Variants in AIFM1 observed in about 807,000 individuals in gnomAD.
AIFM1 encodes the protein apoptosis-inducing factor 1, mitochondrial.
A neutral mutation model predicts 51.7 loss-of-function variants in AIFM1; 3 were observed. That is an observed-to-expected ratio of 0.06 (90% CI 0.03 to 0.15). The LOEUF is 0.15. AIFM1 is among the 10% of genes least tolerant of loss of function. AIFM1 has a pLI of 1.00. For missense variants in AIFM1, 330 were observed against 476.8 expected (o/e 0.69, Z 2.87); for synonymous variants, 178 against 179.4 (o/e 0.99, Z 0.06).
chrX:130,137,242 C>A, intron 9 of AIFM1, 57 bp from the exon 10 acceptor site: 2 of 1,208,218 alleles, frequency 1.7e-6, no homozygotes, highest in Non-Finnish European at 2.2e-6. Flanking sequence ...CCTAGGAATA[C>A]AGGAAGAGAA....
At chrX:130,165,401 A>G in intron 1 of AIFM1, 150 bp downstream of exon 1, 1 of 530,470 alleles carries the variant, frequency 1.9e-6, no homozygotes, top group East Asian at 3.6e-5. Context: ...TCCGCTTGCA[A>G]GACTCAGGGT....
chrX:130,138,668 G>A lies in AIFM1; in HGVS notation c.892C>T (p.Arg298Trp), dbSNP rs2030465712. The A allele has an allele frequency of 1.7e-6, 2 of 1,206,968 alleles. No homozygotes were observed. The highest frequency in any genetic ancestry group is 1.8e-5 in the African/African-American group (1 of 56,860). Reference protein sequence around the residue: ...GDFRSLEKISREVKSITIIGG... With the variant: ...GDFRSLEKISWEVKSITIIGG... ...ATAATCGTAATTGATTTGACTTCCC[G>A]TGAAATCTTCTCCAAGCTTCTAAAG... The change falls in exon 9 of 16, where the codon CGG becomes TGG. Residue 298 changes from arginine to tryptophan, a missense_variant. Arg to Trp is a moderately radical substitution (Grantham distance 101). Coordinates refer to ENST00000287295, the MANE Select transcript of AIFM1 (RefSeq NM_004208.4).
At chrX:130,153,352 CAAAAAAAA>C (rs35771131) in intron 2 of AIFM1, among the ~76,000 whole-genome samples, 2 of 42,860 alleles carry the variant, frequency 4.7e-5, no homozygotes, top group Non-Finnish European at 8.0e-5. Context: ...GACTCCGTTT[CAAAAAAAA>C]AAAAAAAAAA....
At chrX:130,143,326 T>A (rs2030642594) in intron 6 of AIFM1, among the ~76,000 whole-genome samples, 1 of 112,154 alleles carries the variant, frequency 8.9e-6, no homozygotes, top group South Asian at 3.7e-4. Flanking sequence ...TACTTAATGG[T>A]CCAAAACTGA....
intron 11 of AIFM1, among the ~76,000 whole-genome samples, chrX:130,136,415 A>C (rs2030342427): frequency 8.9e-6 from 1 of 112,001 alleles, no homozygotes; most frequent in Non-Finnish European, 1.9e-5. Context: ...AGGACTCAAA[A>C]CTCTGTGAGA....
At chrX:130,151,788 T>A (rs994205824) in intron 2 of AIFM1, among the ~76,000 whole-genome samples, 2 of 112,027 alleles carry the variant, frequency 1.8e-5, no homozygotes, top group Admixed American at 1.9e-4. Flanking sequence ...TGCCTATAAT[T>A]CCAGCACTTT....
At chrX:130,155,014 T>G in intron 2 of AIFM1, 1 of 771,825 alleles carries the variant, frequency 1.3e-6, no homozygotes, top group South Asian at 2.3e-5. Flanking sequence ...GACTCTCTAG[T>G]GACTGACAAT....
At chrX:130,143,298 C>T (rs775901856) in intron 6 of AIFM1, among the ~76,000 whole-genome samples, 7 of 112,179 alleles carry the variant, frequency 6.2e-5, no homozygotes, top group South Asian at 3.7e-4. Flanking sequence ...GACACCTTCA[C>T]GCAGATATTC....
intron 9 of AIFM1, chrX:130,137,601 C>T: frequency 8.8e-7 from 1 of 1,136,396 alleles, no homozygotes; most frequent in Non-Finnish European, 1.2e-6. Flanking sequence ...AAGCTGGGAA[C>T]CATCATGTGC....
intron 9 of AIFM1, chrX:130,137,516 T>G (rs1441779840): frequency 5.1e-5 from 59 of 1,167,051 alleles, no homozygotes; most frequent in Admixed American, 7.8e-5. Context: ...GATGCCCTGA[T>G]TTCATATATC....
At chrX:130,154,776 G>A (rs2031107659) in intron 2 of AIFM1, among the ~76,000 whole-genome samples, 1 of 112,435 alleles carries the variant, frequency 8.9e-6, no homozygotes, top group African/African-American at 3.2e-5. Context: ...ATTCAAAAAT[G>A]GATGATGTTC....
In AIFM1 at chrX:130,147,834, T is replaced by C; in HGVS notation, c.392A>G (p.His131Arg). 4.1e-6 allele frequency: 5 copies of C among 1,211,868 alleles called. No homozygotes were observed. Among genetic ancestry groups the C allele is most frequent in the Non-Finnish European group, 5.6e-6 (5 of 895,545 alleles). Residue 131 changes from histidine (H) to arginine (R), a missense_variant, in exon 4 of 16, where the codon CAT (histidine) becomes CGT (arginine). This residue lies in a region of AIFM1 where 110 missense variants were observed against 103.1 expected (regional missense o/e 1.07). Coordinates refer to ENST00000287295, the MANE Select transcript of AIFM1 (RefSeq NM_004208.4). ...EEVPQDKAPS[H>R]VPFLLIGGGT... ...TCCACCAATTAGCAGGAAAGGAACA[T>C]GACTTGGCGCCTTGTCTTGAGGAAC...
chrX:130,129,578 T>C lies in AIFM1; in HGVS notation c.1821A>G (p.Leu607=), dbSNP rs757379335. ...QHEDLNEVAK[L]FNIHED ...GGCTTCAGTCTTCATGAATGTTGAA[T>C]AGTTTGGCTACTTCATTGAGATCTT... The change falls in exon 16 of 16, where the codon CTA becomes CTG. Residue 607 remains leucine, a synonymous_variant. Transcript: ENST00000287295. The C allele has an allele frequency of 5.0e-6, 6 of 1,209,192 alleles. No individual in the cohort carries two copies. The highest frequency in any genetic ancestry group is 3.0e-5 in the East Asian group (1 of 33,767).
At chrX:130,163,633 G>A (rs1208816917) in intron 1 of AIFM1, among the ~76,000 whole-genome samples, 1 of 112,315 alleles carries the variant, frequency 8.9e-6, no homozygotes, top group Admixed American at 9.5e-5. Flanking sequence ...ATATTCTACA[G>A]TAGACTGCCT....
intron 1 of AIFM1, among the ~76,000 whole-genome samples, chrX:130,164,953 CTG>C (rs988375320): frequency 4.5e-5 from 5 of 110,267 alleles, no homozygotes; most frequent in Non-Finnish European, 9.5e-5. Flanking sequence ...GTTCTGCAAA[CTG>C]TTTCTTTGAA....
rs1214759327 is a variant in AIFM1 at position 130,136,692 on chromosome X, A to G, written c.1115T>C (p.Val372Ala). 1.7e-6 allele frequency: 2 copies of G among 1,208,380 alleles called. No homozygotes were observed. The highest frequency in any genetic ancestry group is 2.2e-6 in the Non-Finnish European group (2 of 894,832). ...AAGTAACTTGCCACTGCTGACTCCA[A>G]CGGATTGCACAATAGCATTGGGCAT... ...KVMPNAIVQSVGVSSGKLLIK... is the reference protein window; with the variant it reads ...KVMPNAIVQSAGVSSGKLLIK... Residue 372 changes from valine (V) to alanine (A), a missense_variant, in exon 11 of 16, where the codon GTT (valine) becomes GCT (alanine). Transcript: ENST00000287295.
At chrX:130,146,451 A>ATATGTGTGTG (rs1211366586) in intron 5 of AIFM1, among the ~76,000 whole-genome samples, 11 of 89,446 alleles carry the variant, frequency 1.2e-4, no homozygotes, top group African/African-American at 4.6e-4. Context: ...CTCTCAAAAT[A>ATATGTGTGTG]TGTGTGTGTG....
chrX:130,138,487 C>A, intron 9 of AIFM1, 106 bp downstream of exon 9: 2 of 610,177 alleles, frequency 3.3e-6, no homozygotes, highest in Non-Finnish European at 5.5e-6. Context: ...ATAAATAAAC[C>A]TTAATTAAAC....
At position 130,129,465 on chromosome X, in the gene AIFM1, C is replaced by A. The variant is rs1350224818; in HGVS notation, c.*92G>T. ...GGACTTGATCATTCACACTCATACACAGAGAAAGTCTGCTGAATAAAAAAA... is the reference window on the plus strand; with the variant it reads ...GGACTTGATCATTCACACTCATACAAAGAGAAAGTCTGCTGAATAAAAAAA... On this transcript the variant is annotated 3_prime_UTR_variant, in exon 16 of 16. Transcript: ENST00000287295. 5.5e-6 allele frequency: 4 copies of A among 722,257 alleles called. No individual in the cohort carries two copies. The highest frequency in any genetic ancestry group is 5.8e-4 in the Middle Eastern group (2 of 3,450). The allele number at this position is 722,257 out of a possible 1,213,427, so 59.5% of individuals were successfully genotyped here. A position where few individuals can be genotyped will look rare whatever the true frequency, so the allele number is the denominator to read the frequency against.
Sources: allele counts gnomAD v4.1 joint callset (sites outside exome capture counted in the v4.1 genomes callset), GRCh38; gene constraint gnomAD v4.1.1; regional missense constraint gnomAD v4.1.1; transcripts MANE v1.5; gene names NCBI Gene and HGNC (gene_info 2026-07-23, HGNC 2026-07-21).